The following FGD3 variants were observed in gnomAD, a reference collection of about 807,000 sequenced individuals.
FGD3 encodes the protein FYVE, RhoGEF and PH domain containing 3.
A neutral mutation model predicts 71.8 loss-of-function variants in FGD3; 45 were observed. The observed-to-expected ratio is 0.63, with a 90% CI of 0.49 to 0.80. The LOEUF is 0.80. Ranked by LOEUF, FGD3 falls within the 30% of genes least tolerant of loss-of-function variation. The pLI, the probability that FGD3 is intolerant of heterozygous loss-of-function variation, is 0.00. For missense variants in FGD3, 844 were observed against 951.5 expected (o/e 0.89, Z 1.49); for synonymous variants, 378 against 392.8 (o/e 0.96, Z 0.44).
chr9:93,014,928 T>A lies in FGD3; in HGVS notation c.1183-809T>A, dbSNP rs147339401. Reference sequence around the variant, plus strand: ...GATTACAGGCGTGAGCCACCTCACCTGGCCAAGTTACAATTTGATCACTGC... The same window carrying A: ...GATTACAGGCGTGAGCCACCTCACCAGGCCAAGTTACAATTTGATCACTGC... On this transcript the variant is annotated intron_variant, in intron 9 of 17. Transcript: ENST00000375482. Among the ~76,000 whole-genome samples the A allele has an allele frequency of 8.0e-4, 121 of 151,670 alleles. 3 individuals carry two copies. In the East Asian group the frequency reaches 0.022, roughly 28 times the overall value.
At chr9:92,989,040 G>A (rs191046257) in intron 3 of FGD3, among the ~76,000 whole-genome samples, 8 of 152,102 alleles carry the variant, frequency 5.3e-5, no homozygotes, top group Admixed American at 5.2e-4. Flanking sequence ...TTTCATCAGT[G>A]TTTTTTTGTT....
At chr9:93,023,029 A>G (rs4276744) in intron 14 of FGD3, among the ~76,000 whole-genome samples, 152,262 of 152,296 alleles carry the variant, frequency 1, 76,114 homozygotes, top group Middle Eastern at 1. Context: ...GATGAGGGCC[A>G]AGAGCATCTG....
intron 10 of FGD3, 137 bp from the exon 11 acceptor site, chr9:93,017,999 C>G (rs35343791): frequency 2.5e-6 from 2 of 791,542 alleles, no homozygotes; most frequent in Non-Finnish European, 4.3e-6. Context: ...CTCTGCACCC[C>G]TCTCCCTGCA....
At position 93,022,342 on chromosome 9, in the gene FGD3, C is replaced by G; in HGVS notation, c.1510C>G (p.Pro504Ala). 1.2e-6 allele frequency: 2 copies of G among 1,612,310 alleles called. No homozygotes were observed. The highest frequency in any genetic ancestry group is 1.1e-5 in the South Asian group (1 of 91,062). The change falls in exon 14 of 18, where the codon CCT becomes GCT. Residue 504 changes from proline (P) to alanine (A), a missense_variant. Coordinates refer to ENST00000375482, the MANE Select transcript of FGD3 (RefSeq NM_001083536.2). ...TCCCTTCTAGATCACGAGCACCAGC[C>G]CTGTGGAGCCTGTGGTGACCACCGA... The part of the protein sequence containing the change: ...SPDMPITSTS[P>A]VEPVVTTEGS...
chr9:92,989,043 T>TTTTTG (rs1292944435), intron 3 of FGD3, among the ~76,000 whole-genome samples: 11 of 152,270 alleles, frequency 7.2e-5, no homozygotes, highest in South Asian at 6.2e-4. Context: ...CATCAGTGTT[T>TTTTTG]TTTTGTTTTG....
At chr9:93,035,228 CTTGCG>C in intron 17 of FGD3, 105 bp from the exon 18 acceptor site, 3 of 1,448,616 alleles carry the variant, frequency 2.1e-6, no homozygotes, top group Non-Finnish European at 2.7e-6. Flanking sequence ...CAGCACCTGC[CTTGCG>C]TTGCAAGGGT....
chr9:93,009,838 C>G (rs562683893), intron 6 of FGD3, among the ~76,000 whole-genome samples: 1 of 152,188 alleles, frequency 6.6e-6, no homozygotes, highest in Non-Finnish European at 1.5e-5. Context: ...GGCCCGATAC[C>G]CAGTGGGGAT....
chr9:93,015,889 G>A (rs1334720892), intron 10 of FGD3, 60 bp downstream of exon 10: 9 of 1,503,230 alleles, frequency 6.0e-6, no homozygotes, highest in Non-Finnish European at 8.3e-6. Flanking sequence ...GCAGGACTGG[G>A]GACACCAGGC....
Position 93,027,715 on chromosome 9 carries a change from CT to C in FGD3, c.1558-2137del, listed in dbSNP as rs1199094054. Among the ~76,000 whole-genome samples, 105 of 102,016 alleles carry C rather than the reference CT, an allele frequency of 1.0e-3. 1 individual carries two copies. The highest frequency in any genetic ancestry group is 7.6e-3 in the East Asian group (25 of 3,292). 66.9% of individuals were successfully genotyped at this position (102,016 alleles called of 152,430 possible). A position where few individuals can be genotyped will look rare whatever the true frequency, so the allele number is the denominator to read the frequency against. ...GTTCAGTTCATCTTTTTCTTTCTTT[CT>C]TTTTTTTTTTTTTTTTTTTTTGAGT... On this transcript the variant is annotated intron_variant, in intron 14 of 17. Coordinates refer to ENST00000375482, the MANE Select transcript of FGD3 (RefSeq NM_001083536.2).
intron 3 of FGD3, among the ~76,000 whole-genome samples, chr9:92,979,577 C>T (rs987436386): frequency 1.3e-5 from 2 of 152,012 alleles, no homozygotes; most frequent in African/African-American, 2.4e-5. Context: ...TTTCCTGTAT[C>T]GTCTTTATAT....
At chr9:93,030,179 T>C (rs1862302966) in intron 15 of FGD3, among the ~76,000 whole-genome samples, 183 bp downstream of exon 15, 1 of 152,206 alleles carries the variant, frequency 6.6e-6, no homozygotes, top group Non-Finnish European at 1.5e-5. Context: ...CGAAGTAGAA[T>C]CAAATCACTT....
Position 92,959,537 on chromosome 9 carries a change from G to A in FGD3, c.-218+11808G>A, listed in dbSNP as rs545187564. 1.3e-3 allele frequency among the ~76,000 whole-genome samples: 193 copies of A among 151,468 alleles called. 1 individual carries two copies. The highest frequency in any genetic ancestry group is 4.4e-3 in the African/African-American group (183 of 41,282). ...AGCCTGGGAAACATAGCCAGAGTCC[G>A]TCTCTGCAAATAATAAAAACTTAGC... On this transcript the variant is annotated intron_variant, in intron 1 of 17. Transcript: ENST00000375482.
At chr9:93,006,301 C>A in intron 6 of FGD3, 121 bp downstream of exon 6, 1 of 1,145,228 alleles carries the variant, frequency 8.7e-7, no homozygotes, top group Non-Finnish European at 1.1e-6. Flanking sequence ...CATGACATTA[C>A]TAAAATTTTG....
chr9:92,981,378 A>AG (rs1859990931), intron 3 of FGD3, among the ~76,000 whole-genome samples: 1 of 151,096 alleles, frequency 6.6e-6, no homozygotes, highest in Non-Finnish European at 1.5e-5. Flanking sequence ...CAAAAAAAAA[A>AG]AAAAAAGAAA....
chr9:93,015,349 G>A (rs909412785), intron 9 of FGD3, among the ~76,000 whole-genome samples: 4 of 152,110 alleles, frequency 2.6e-5, no homozygotes, highest in African/African-American at 7.2e-5. Context: ...CCAGCTACTC[G>A]GGAGGCTGAG....
At chr9:93,005,284 G>A (rs1397039314) in intron 5 of FGD3, among the ~76,000 whole-genome samples, 4 of 151,918 alleles carry the variant, frequency 2.6e-5, no homozygotes, top group African/African-American at 9.7e-5. Flanking sequence ...CACCACACCC[G>A]GCTAATTATT....
At chr9:92,967,949 A>G (rs1412840425) in intron 1 of FGD3, among the ~76,000 whole-genome samples, 2 of 152,166 alleles carry the variant, frequency 1.3e-5, no homozygotes, top group African/African-American at 4.8e-5. Flanking sequence ...CTAGGGATGG[A>G]CACTTGAGGG....
At chr9:92,967,271 C>T (rs946880632) in intron 1 of FGD3, among the ~76,000 whole-genome samples, 2 of 152,050 alleles carry the variant, frequency 1.3e-5, no homozygotes, top group South Asian at 2.1e-4. Flanking sequence ...CCTCCTTCAT[C>T]GTTTTTAAGT....
In FGD3 at chr9:92,975,367, G is replaced by A. The variant is rs9942965; in HGVS notation, c.-88G>A. ...ACGGAGCCAGGCGCCTGTGCCCGCC[G>A]ACCCTCAGCATCCTCCTCAGAAAGG... On this transcript the variant is annotated 5_prime_UTR_variant, in exon 2 of 18. Coordinates refer to ENST00000375482, the MANE Select transcript of FGD3 (RefSeq NM_001083536.2). 90,572 of 152,212 alleles carry A rather than the reference G, an allele frequency of 0.6. 27,163 individuals carry two copies. The highest frequency in any genetic ancestry group is 0.67 in the Middle Eastern group (201 of 298). 9.4% of individuals were successfully genotyped at this position (152,212 alleles called of 1,614,324 possible). A position where few individuals can be genotyped will look rare whatever the true frequency, so the allele number is the denominator to read the frequency against.
Sources: allele counts gnomAD v4.1 joint callset (sites outside exome capture counted in the v4.1 genomes callset), GRCh38; gene constraint gnomAD v4.1.1; transcripts MANE v1.5; gene names NCBI Gene and HGNC (gene_info 2026-07-23, HGNC 2026-07-21).